The following UACA variants were observed in gnomAD, a reference collection of about 807,000 sequenced individuals.
UACA encodes nuclear membrane binding protein.
Under a neutral mutation model 160.5 loss-of-function variants are expected in UACA, and 112 were observed. The observed-to-expected ratio is 0.70, with a 90% CI of 0.60 to 0.82. UACA has a LOEUF of 0.82. Ranked by LOEUF, UACA falls within the 40% of genes least tolerant of loss-of-function variation. UACA has a pLI of 0.00. For missense variants in UACA, 1,574 were observed against 1,614.6 expected, an observed-to-expected ratio of 0.97 and a Z score of 0.43; for synonymous variants, 557 against 568.4, an observed-to-expected ratio of 0.98 and a Z score of 0.29.
rs183959685 is a variant in UACA, at chr15:70,728,440, G to A, written c.79-28780C>T. Among the ~76,000 whole-genome samples the A allele has an allele frequency of 7.2e-5, 11 of 151,974 alleles. No individual in the cohort carries two copies. In the East Asian group the frequency reaches 2.1e-3, roughly 29 times the overall value. On this transcript the variant is annotated intron_variant, in intron 1 of 18. Coordinates refer to ENST00000322954, the MANE Select transcript of UACA (RefSeq NM_018003.4). The stretch of plus-strand genomic sequence containing the variant: ...TAGCCAGGCGTGGTGGTGCATGCCT[G>A]TAACCCCAGCTACTCAGGAGGCTGA...
At chr15:70,762,596 C>A (rs2030835089) in intron 1 of UACA, among the ~76,000 whole-genome samples, 1 of 152,236 alleles carries the variant, frequency 6.6e-6, no homozygotes, top group African/African-American at 2.4e-5. Context: ...GGCCGCGCTG[C>A]AGGTCAGCAC....
intron 1 of UACA, among the ~76,000 whole-genome samples, chr15:70,746,746 A>G (rs1299128679): frequency 6.6e-6 from 1 of 152,176 alleles, no homozygotes; most frequent in Non-Finnish European, 1.5e-5. Context: ...ATGCCCATCA[A>G]TTTTAGGCTG....
chr15:70,691,845 G>C (rs1897949818), intron 3 of UACA, among the ~76,000 whole-genome samples: 1 of 152,106 alleles, frequency 6.6e-6, no homozygotes, highest in Non-Finnish European at 1.5e-5. Context: ...TCATGCTTTG[G>C]CTAAAATTCA....
chr15:70,769,861 G>C, the UACA span, among the ~76,000 whole-genome samples: 14 of 152,214 alleles, frequency 9.2e-5, no homozygotes, highest in African/African-American at 3.4e-4. Flanking sequence ...GCTGGCTGTG[G>C]TGGTGGGCAC....
chr15:70,767,012 G>A (rs973526506), upstream of UACA, among the ~76,000 whole-genome samples: 13 of 151,916 alleles, frequency 8.6e-5, no homozygotes, highest in South Asian at 4.2e-4. Context: ...AGGCCGAGGC[G>A]GGTGGATCAC....
chr15:70,744,088 CA>C (rs1177353712), intron 1 of UACA, among the ~76,000 whole-genome samples: 1 of 151,438 alleles, frequency 6.6e-6, no homozygotes, highest in Admixed American at 6.6e-5. Context: ...ACTAAAAATA[CA>C]AAAAAAGTAG....
rs1199018951 is a variant in UACA at position 70,686,619 on chromosome 15, GA to G, written c.602+920del. On this transcript the variant is annotated intron_variant, in intron 7 of 18. Transcript: ENST00000322954. ...AACTCGTCATTTAGCATTAGGTACA[GA>G]ATTTCCTCCTTTGAGATGCATAAAG... Among the ~76,000 whole-genome samples, 3 of 150,838 alleles carry G rather than the reference GA, an allele frequency of 2.0e-5. No homozygotes were observed. The East Asian group carries it at 5.9e-4, about 29-fold the overall frequency.
chr15:70,666,022 T>A (rs904685258), intron 16 of UACA, among the ~76,000 whole-genome samples: 7 of 152,206 alleles, frequency 4.6e-5, no homozygotes, highest in Non-Finnish European at 8.8e-5. Context: ...GAAAGTTAAG[T>A]TATAAACCCT....
At chr15:70,763,045 G>A (rs1212593244) in intron 1 of UACA, among the ~76,000 whole-genome samples, 1 of 152,166 alleles carries the variant, frequency 6.6e-6, no homozygotes, top group Non-Finnish European at 1.5e-5. Context: ...TTTGGATTTA[G>A]GAGGAGGGGG....
At position 70,692,929 on chromosome 15, in the gene UACA, T is replaced by C. The variant is rs574081966; in HGVS notation, c.302-1566A>G. Among the ~76,000 whole-genome samples the C allele has an allele frequency of 1.2e-4, 19 of 152,262 alleles. No homozygotes were observed. In the South Asian group the frequency reaches 2.5e-3, roughly 20 times the overall value. On this transcript the variant is annotated intron_variant, in intron 3 of 18. Transcript: ENST00000322954. ...ACTAACCAGGTTGCAGAACAAAACATAGTGAGTCCAGGTCTTTCAGGTTTT... is the reference window on the plus strand; with the variant it reads ...ACTAACCAGGTTGCAGAACAAAACACAGTGAGTCCAGGTCTTTCAGGTTTT...
In UACA at chr15:70,656,926, C is replaced by A; in HGVS notation, c.*130G>T. 4.3e-5 allele frequency: 24 copies of A among 560,084 alleles called. No homozygotes were observed. The highest frequency in any genetic ancestry group is 1.7e-4 in the South Asian group (4 of 23,370). The allele number at this position is 560,084 out of a possible 1,614,324, so 34.7% of individuals were successfully genotyped here. ...TATTCATCTAATTTTAAAAAAAAACCTACCAATAGAACAAAATATATTTTA... is the reference window on the plus strand; with the variant it reads ...TATTCATCTAATTTTAAAAAAAAACATACCAATAGAACAAAATATATTTTA... On this transcript the variant is annotated 3_prime_UTR_variant, in exon 19 of 19. Transcript: ENST00000322954.
Position 70,667,036 on chromosome 15 carries a change from T to G in UACA, c.3648A>C (p.Lys1216Asn), listed in dbSNP as rs1896937247. ...CAACTACCTCTCTAGTCTCTAATTT[T>G]TTTAATGCTTGTTTAGTATTCTGAA... ...SEVQNTKQAL[K>N]KLETREVVDL... The change falls in exon 16 of 19, where the codon AAA (lysine) becomes AAC (asparagine). Residue 1216 changes from lysine to asparagine, a missense_variant. Physicochemically the swap from Lys to Asn is moderately conservative, Grantham distance 94. Coordinates refer to ENST00000322954, the MANE Select transcript of UACA (RefSeq NM_018003.4). The G allele has an allele frequency of 6.2e-7, 1 of 1,613,598 alleles. No homozygotes were observed. The highest frequency in any genetic ancestry group is 8.5e-7 in the Non-Finnish European group (1 of 1,179,940).
intron 1 of UACA, among the ~76,000 whole-genome samples, chr15:70,753,155 G>A (rs1300582577): frequency 6.6e-6 from 1 of 152,096 alleles, no homozygotes; most frequent in African/African-American, 2.4e-5. Flanking sequence ...AGATCAACAT[G>A]AACAGGGCAT....
intron 7 of UACA, among the ~76,000 whole-genome samples, chr15:70,685,474 T>C (rs11854338): frequency 0.68 from 102,877 of 151,952 alleles, 36,624 homozygotes; most frequent in Admixed American, 0.8. Flanking sequence ...CCAACTCCCC[T>C]GTAGTTGCTG....
rs921080241 is a variant in UACA, at chr15:70,687,991, A to T, written c.425-171T>A. On this transcript the variant is annotated intron_variant, in intron 5 of 18. Coordinates refer to ENST00000322954, the MANE Select transcript of UACA (RefSeq NM_018003.4). ...ACAATTTTTCATCTGAAAATGGATTAGACAAGATTATAAATTGTCTACAAT... is the reference window on the plus strand; with the variant it reads ...ACAATTTTTCATCTGAAAATGGATTTGACAAGATTATAAATTGTCTACAAT... Among the ~76,000 whole-genome samples, 3 of 152,246 alleles carry T rather than the reference A, an allele frequency of 2.0e-5. No homozygotes were observed. The East Asian group carries it at 5.8e-4, about 29-fold the overall frequency.
At position 70,691,320 on chromosome 15, in the gene UACA, C is replaced by A. The variant is rs761876986; in HGVS notation, c.345G>T (p.Leu115Phe). Residue 115 changes from leucine (L) to phenylalanine (F), a missense_variant, in exon 4 of 19, where the codon TTG becomes TTT. Coordinates refer to ENST00000322954, the MANE Select transcript of UACA (RefSeq NM_018003.4). ...CTACCTGTAGAAGTTTTTGTAGGCA[C>A]AATGCATGTCCATACTTAGCAGCCA... ...LHLAAKYGHA[L>F]CLQKLLQYNC... The A allele has an allele frequency of 5.0e-6, 8 of 1,607,240 alleles. No homozygotes were observed. Among genetic ancestry groups the A allele is most frequent in the South Asian group, 1.1e-5 (1 of 89,520 alleles).
At chr15:70,712,046 C>T (rs913261984) in intron 1 of UACA, among the ~76,000 whole-genome samples, 1 of 127,086 alleles carries the variant, frequency 7.9e-6, no homozygotes, top group Non-Finnish European at 1.7e-5. Flanking sequence ...CCTCTAAGCT[C>T]CAGGCATATA....
intron 1 of UACA, among the ~76,000 whole-genome samples, chr15:70,748,028 C>T (rs1407765568): frequency 6.6e-6 from 1 of 151,916 alleles, no homozygotes; most frequent in Non-Finnish European, 1.5e-5. Flanking sequence ...TTTTTGTTTA[C>T]GCTTTTTATG....
intron 1 of UACA, among the ~76,000 whole-genome samples, chr15:70,753,103 G>A (rs2030190254): frequency 1.3e-5 from 2 of 152,078 alleles, no homozygotes; most frequent in Non-Finnish European, 1.5e-5. Flanking sequence ...CTAAAGCGAC[G>A]GCTGGCCAAG....
Sources: allele counts gnomAD v4.1 joint callset (sites outside exome capture counted in the v4.1 genomes callset), GRCh38; gene constraint gnomAD v4.1.1; transcripts MANE v1.5; gene names NCBI Gene and HGNC (gene_info 2026-07-23, HGNC 2026-07-21).